The following PHLPP1 variants were observed in gnomAD, a reference collection of about 807,000 sequenced individuals.
The protein encoded by PHLPP1 is PH domain leucine-rich repeat-containing protein phosphatase 1.
PHLPP1 carries 42 observed loss-of-function variants against 117.2 expected under a neutral mutation model. That is an observed-to-expected ratio of 0.36 (90% confidence interval 0.28 to 0.46). The LOEUF (loss-of-function observed/expected upper bound fraction) is 0.46, where lower values mean the gene tolerates loss of function less well. PHLPP1 is among the 20% of genes least tolerant of loss of function. PHLPP1 has a pLI of 1.00. For missense variants in PHLPP1, 2,084 were observed against 2,241.9 expected (o/e 0.93, Z 1.42); for synonymous variants, 1,042 against 970.7 (o/e 1.07, Z -1.37).
chr18:62,716,390 A>G lies in PHLPP1; in HGVS notation c.707A>G (p.Gln236Arg). Residue 236 changes from glutamine to arginine, a missense_variant, in exon 1 of 17, where the codon CAG (glutamine) becomes CGG (arginine). Around this residue, in one of 2 missense-constraint regions of PHLPP1, gnomAD observed 719 missense variants for 636.0 expected, o/e 1.13. Coordinates refer to ENST00000262719, the MANE Select transcript of PHLPP1 (RefSeq NM_194449.4). The surrounding 1 kb of genome is among the most constrained non-coding windows in gnomAD (Gnocchi z 5.7). ...TAGEVAARLL[Q>R]LGHKGGGVVK... ...GGCGAGGTGGCCGCCCGCCTGCTGC[A>G]GCTGGGCCACAAAGGCGGCGGCGTG... The G allele has an allele frequency of 4.0e-6, 6 of 1,484,302 alleles. No homozygotes were observed. Among genetic ancestry groups the G allele is most frequent in the Non-Finnish European group, 5.3e-6 (6 of 1,122,128 alleles). 91.9% of individuals were successfully genotyped at this position (1,484,302 alleles called of 1,614,324 possible).
intron 1 of PHLPP1, among the ~76,000 whole-genome samples, chr18:62,762,848 A>G (rs1487918833): frequency 1.3e-5 from 2 of 152,222 alleles, no homozygotes; most frequent in African/African-American, 4.8e-5. Context: ...GCTCAAAGGA[A>G]ATACCTCTAT....
chr18:62,771,559 A>C (rs1255790401), intron 1 of PHLPP1, among the ~76,000 whole-genome samples: 1 of 152,192 alleles, frequency 6.6e-6, no homozygotes, highest in Non-Finnish European at 1.5e-5. Context: ...ACCCATCCGT[A>C]CACTGATGAT....
At chr18:62,959,428 G>GTA (rs1385879658) in intron 13 of PHLPP1, among the ~76,000 whole-genome samples, 3 of 152,080 alleles carry the variant, frequency 2.0e-5, no homozygotes, top group Admixed American at 6.6e-5. Flanking sequence ...TGTGCATTGG[G>GTA]TATATGTACA....
intron 3 of PHLPP1, among the ~76,000 whole-genome samples, chr18:62,849,832 A>AAAAATAT (rs1555677083): frequency 1.8e-4 from 6 of 33,082 alleles, no homozygotes; most frequent in East Asian, 8.1e-4. Flanking sequence ...AAAAAAAAAA[A>AAAAATAT]ATATATATAT....
At chr18:62,775,735 A>C (rs1351130467) in intron 1 of PHLPP1, among the ~76,000 whole-genome samples, 1 of 152,218 alleles carries the variant, frequency 6.6e-6, no homozygotes, top group Non-Finnish European at 1.5e-5. Flanking sequence ...CATTTGAAGT[A>C]TATAATTAGA....
chr18:62,931,190 C>A, intron 10 of PHLPP1, among the ~76,000 whole-genome samples: 1 of 86,518 alleles, frequency 1.2e-5, no homozygotes. Flanking sequence ...GAGAGAGACT[C>A]CATCTAAAAA....
At chr18:62,786,273 G>A (rs569811539) in intron 1 of PHLPP1, among the ~76,000 whole-genome samples, 1 of 152,258 alleles carries the variant, frequency 6.6e-6, no homozygotes, top group African/African-American at 2.4e-5. Flanking sequence ...TCCAGCAGAC[G>A]GATGAGTCTG....
chr18:62,776,609 G>GT (rs35582464), intron 1 of PHLPP1, among the ~76,000 whole-genome samples: 8,472 of 136,994 alleles, frequency 0.062, 312 homozygotes, highest in Middle Eastern at 0.093. Flanking sequence ...ATTGCTGAGT[G>GT]TTTTTTTTTT....
chr18:62,764,628 T>G (rs1912399785), intron 1 of PHLPP1, among the ~76,000 whole-genome samples: 1 of 152,138 alleles, frequency 6.6e-6, no homozygotes, highest in Non-Finnish European at 1.5e-5. Context: ...GGCGCATGCC[T>G]GTAAGCCCAG....
chr18:62,946,046 T>C (rs946255885), intron 12 of PHLPP1, among the ~76,000 whole-genome samples: 1 of 152,216 alleles, frequency 6.6e-6, no homozygotes, highest in Non-Finnish European at 1.5e-5. Context: ...TAGTTTTTCA[T>C]TTGTATCTTA....
intron 11 of PHLPP1, among the ~76,000 whole-genome samples, chr18:62,944,590 A>G (rs1208787428): frequency 6.6e-6 from 1 of 152,168 alleles, no homozygotes; most frequent in Non-Finnish European, 1.5e-5. Context: ...GCTCCTTACC[A>G]CCACTTTGTA....
intron 10 of PHLPP1, among the ~76,000 whole-genome samples, chr18:62,934,523 A>T (rs138096184): frequency 6.6e-6 from 1 of 152,326 alleles, no homozygotes; most frequent in Non-Finnish European, 1.5e-5. Flanking sequence ...AACAGTGTAT[A>T]CACATGGCCA....
chr18:62,903,786 C>A (rs79746064), intron 7 of PHLPP1, among the ~76,000 whole-genome samples: 8 of 148,904 alleles, frequency 5.4e-5, no homozygotes, highest in Non-Finnish European at 5.9e-5. Flanking sequence ...AAAAAAAAGA[C>A]AAGAAAAGAT....
At chr18:62,962,728 A>C (rs995370960) in intron 13 of PHLPP1, among the ~76,000 whole-genome samples, 1 of 152,248 alleles carries the variant, frequency 6.6e-6, no homozygotes, top group African/African-American at 2.4e-5. Context: ...TCCCAGTTTA[A>C]ATACATACAG....
intron 1 of PHLPP1, among the ~76,000 whole-genome samples, chr18:62,733,305 T>G (rs1402924480): frequency 6.6e-6 from 1 of 152,224 alleles, no homozygotes; most frequent in Non-Finnish European, 1.5e-5. Context: ...GATTATGACT[T>G]GCCAAAGGCT....
intron 1 of PHLPP1, among the ~76,000 whole-genome samples, chr18:62,719,269 G>T (rs1191741958): frequency 2.0e-5 from 3 of 152,160 alleles, no homozygotes; most frequent in Non-Finnish European, 2.9e-5. Flanking sequence ...TGATTGTTGC[G>T]AAGTTGTCTA....
At chr18:62,845,243 G>A (rs1915151129) in intron 3 of PHLPP1, among the ~76,000 whole-genome samples, 2 of 152,112 alleles carry the variant, frequency 1.3e-5, no homozygotes, top group African/African-American at 4.8e-5. Flanking sequence ...GACTGTCACA[G>A]TCGTTATCTC....
chr18:62,979,440 A>C lies in PHLPP1; in HGVS notation c.*9A>C. On this transcript the variant is annotated 3_prime_UTR_variant, in exon 17 of 17. Transcript: ENST00000262719. ...ACGACACGCCACTATGACCCAGCCG[A>C]GCTGTTTAACAAATAAACTAACCAC... 6.5e-7 allele frequency: 1 copy of C among 1,549,280 alleles called. No individual in the cohort carries two copies. The highest frequency in any genetic ancestry group is 8.7e-7 in the Non-Finnish European group (1 of 1,145,452).
intron 4 of PHLPP1, among the ~76,000 whole-genome samples, chr18:62,872,442 C>T (rs1309086820): frequency 6.6e-6 from 1 of 152,058 alleles, no homozygotes; most frequent in Non-Finnish European, 1.5e-5. Context: ...CTTATAATCC[C>T]AGCACTTTGG....
Sources: allele counts gnomAD v4.1 joint callset (sites outside exome capture counted in the v4.1 genomes callset), GRCh38; gene constraint gnomAD v4.1.1; regional missense constraint gnomAD v4.1.1; non-coding constraint Gnocchi (gnomAD v3.1); transcripts MANE v1.5; gene names NCBI Gene and HGNC (gene_info 2026-07-23, HGNC 2026-07-21).